Variants in LBP observed in about 807,000 individuals in gnomAD.
LBP encodes the protein lipopolysaccharide binding protein.
In LBP, 53 loss-of-function variants were observed where a neutral mutation model predicts 56.6. The ratio of observed to expected loss-of-function variants is 0.94; its 90% CI spans 0.75 to 1.18. LBP has a LOEUF of 1.18. Among genes scored for constraint, LBP ranks in the 50% most tolerant of loss-of-function variants. The probability of loss-of-function intolerance (pLI) is 0.00; values close to 1 mark genes in which losing one functional copy is unlikely to be tolerated. For synonymous variants in LBP, 227 were observed against 247.5 expected (o/e 0.92, Z 0.78); for missense variants, 601 against 598.3 (o/e 1.00, Z -0.05).
chr20:38,349,300 G>A (rs2076812107), intron 1 of LBP, among the ~76,000 whole-genome samples: 1 of 152,162 alleles, frequency 6.6e-6, no homozygotes, highest in Non-Finnish European at 1.5e-5. Context: ...GGGATTTGTT[G>A]GCAAAGGCAT....
intron 6 of LBP, among the ~76,000 whole-genome samples, chr20:38,361,168 G>GAAA (rs540710354): frequency 4.7e-4 from 40 of 84,778 alleles, no homozygotes; most frequent in African/African-American, 1.8e-3. Context: ...TGTCTCAACA[G>GAAA]AAAAAAAAAA....
chr20:38,370,636 T>G, intron 10 of LBP, 102 bp from the exon 11 acceptor site: 38 of 1,030,702 alleles, frequency 3.7e-5, no homozygotes, highest in African/African-American at 4.7e-5. Flanking sequence ...TTTAGCTCAT[T>G]GAGCTGTTTG....
chr20:38,363,004 G>A (rs759479315), intron 6 of LBP, among the ~76,000 whole-genome samples: 2 of 152,200 alleles, frequency 1.3e-5, no homozygotes, highest in Non-Finnish European at 2.9e-5. Flanking sequence ...GCATGCACCT[G>A]TAGTGTAGCT....
chr20:38,346,623 A>T lies in LBP; in HGVS notation c.107A>T (p.Asp36Val). ...CCCGGCTTGGTCGCCAGGATCACCG[A>T]CAAGGGACTGCAGTATGGTAAGAAG... Reference protein sequence around the residue: ...ANPGLVARITDKGLQYAAQEG... With the variant: ...ANPGLVARITVKGLQYAAQEG... The change falls in exon 1 of 15, where the codon GAC (aspartate) becomes GTC (valine). Residue 36 changes from aspartate (D) to valine (V), a missense_variant. By Grantham distance (152) the Asp-to-Val change is radical. Coordinates refer to ENST00000217407, the MANE Select transcript of LBP (RefSeq NM_004139.5). 1.9e-6 allele frequency: 3 copies of T among 1,613,536 alleles called. No homozygotes were observed. Among genetic ancestry groups the T allele is most frequent in the Non-Finnish European group, 8.5e-7 (1 of 1,179,956 alleles).
chr20:38,364,217 G>GT, intron 7 of LBP, 151 bp downstream of exon 7: 1 of 642,522 alleles, frequency 1.6e-6, no homozygotes, highest in Non-Finnish European at 2.8e-6. Flanking sequence ...GTGGTGGGGA[G>GT]TGTTTCCAGA....
intron 3 of LBP, 24 bp downstream of exon 3, chr20:38,350,963 C>T: frequency 6.2e-7 from 1 of 1,609,738 alleles, no homozygotes; most frequent in African/African-American, 1.3e-5. Flanking sequence ...GCTCCCAGGC[C>T]CTGGAGCTCT....
intron 5 of LBP, 43 bp downstream of exon 5, chr20:38,355,452 G>GTCTTCCATTCAGCCCTC: frequency 6.4e-7 from 1 of 1,561,084 alleles, no homozygotes; most frequent in Non-Finnish European, 8.8e-7. Flanking sequence ...GCTTGGCGAG[G>GTCTTCCATTCAGCCCTC]GCTGAATGGA....
At chr20:38,366,520 C>T (rs1219503344) in intron 8 of LBP, among the ~76,000 whole-genome samples, 1 of 152,188 alleles carries the variant, frequency 6.6e-6, no homozygotes, top group Non-Finnish European at 1.5e-5. Context: ...TGTGTGACCG[C>T]AAACCTCACC....
At chr20:38,376,519 G>T in intron 14 of LBP, 106 bp from the exon 15 acceptor site, 2 of 1,017,388 alleles carry the variant, frequency 2.0e-6, no homozygotes, top group South Asian at 1.3e-5. Flanking sequence ...CCTGGATTCT[G>T]GCAGAGCTTG....
intron 3 of LBP, among the ~76,000 whole-genome samples, chr20:38,353,215 TCAG>T (rs1220397525): frequency 6.6e-6 from 1 of 152,224 alleles, no homozygotes; most frequent in African/African-American, 2.4e-5. Context: ...AAGTATACAT[TCAG>T]TGGCATGTAG....
intron 14 of LBP, 35 bp from the exon 15 acceptor site, chr20:38,376,590 C>A (rs1185095722): frequency 1.9e-6 from 3 of 1,589,194 alleles, no homozygotes; most frequent in African/African-American, 2.7e-5. Context: ...GTAGAGGATG[C>A]TCTTTACCAT....
At chr20:38,374,836 T>G (rs2122630621) in intron 14 of LBP, among the ~76,000 whole-genome samples, 1 of 147,298 alleles carries the variant, frequency 6.8e-6, no homozygotes, top group South Asian at 2.2e-4. Flanking sequence ...CAGGCTGGAG[T>G]GCAGTGGTGC....
chr20:38,370,751 C>T lies in LBP; in HGVS notation c.1163C>T (p.Ser388Phe), dbSNP rs1424142689. 6.2e-7 allele frequency: 1 copy of T among 1,614,092 alleles called. No individual in the cohort carries two copies. The highest frequency in any genetic ancestry group is 1.7e-5 in the Admixed American group (1 of 60,014). ...VFRLSVATNVSATLTFNTSKI... is the reference protein window; with the variant it reads ...VFRLSVATNVFATLTFNTSKI... Reference sequence around the variant, plus strand: ...TGGCATTTCCAGGCCACTAATGTGTCCGCCACCTTGACCTTCAATACCAGC... The same window carrying T: ...TGGCATTTCCAGGCCACTAATGTGTTCGCCACCTTGACCTTCAATACCAGC... Residue 388 changes from serine (S) to phenylalanine (F), a missense_variant, in exon 11 of 15, where the codon TCC becomes TTC. Coordinates refer to ENST00000217407, the MANE Select transcript of LBP (RefSeq NM_004139.5).
chr20:38,350,310 A>G (rs570301647), intron 2 of LBP, among the ~76,000 whole-genome samples: 137 of 152,276 alleles, frequency 9.0e-4, no homozygotes, highest in Middle Eastern at 3.4e-3. Flanking sequence ...CGGCAAATAA[A>G]ATAGAACTTG....
intron 9 of LBP, among the ~76,000 whole-genome samples, chr20:38,368,704 G>A (rs956961159): frequency 5.3e-5 from 8 of 152,162 alleles, no homozygotes; most frequent in Non-Finnish European, 8.8e-5. Flanking sequence ...CACAGGAGGT[G>A]GTCATTATAA....
chr20:38,360,294 A>G (rs1261611579), intron 5 of LBP, among the ~76,000 whole-genome samples: 1 of 151,996 alleles, frequency 6.6e-6, no homozygotes, highest in East Asian at 1.9e-4. Context: ...TATCTACATT[A>G]ACTGTATGTT....
chr20:38,366,630 C>T (rs984816626), intron 8 of LBP, 139 bp from the exon 9 acceptor site: 48 of 780,840 alleles, frequency 6.1e-5, no homozygotes, highest in Non-Finnish European at 4.5e-6. Flanking sequence ...GAATGCAGGA[C>T]AGGCATCTCC....
intron 14 of LBP, among the ~76,000 whole-genome samples, chr20:38,375,410 A>G (rs1958461244): frequency 2.0e-5 from 3 of 151,790 alleles, no homozygotes; most frequent in South Asian, 4.2e-4. Context: ...GTGAAACCCC[A>G]TCTCTACTAA....
chr20:38,354,820 C>T (rs547955679), intron 4 of LBP, among the ~76,000 whole-genome samples: 3 of 152,224 alleles, frequency 2.0e-5, no homozygotes, highest in South Asian at 2.1e-4. Context: ...TGGTGGCTCA[C>T]GCCTGTAATC....
Sources: gnomAD v4.1 joint callset for allele counts (sites outside exome capture counted in the v4.1 genomes callset) on GRCh38, gnomAD v4.1.1 for gene constraint, MANE v1.5 for transcripts, NCBI Gene and HGNC (gene_info 2026-07-23, HGNC 2026-07-21) for gene names.